SGCB: variants seen among roughly 807,000 people sequenced by gnomAD.
SGCB encodes beta-sarcoglycan.
SGCB carries 25 observed loss-of-function variants against 27.3 expected under a neutral mutation model. The ratio of observed to expected loss-of-function variants is 0.92; its 90% CI spans 0.67 to 1.28. The LOEUF (loss-of-function observed/expected upper bound fraction) is 1.28. Ranked by LOEUF, SGCB falls within the 50% of genes most tolerant of loss-of-function variation. The pLI is 0.00. For synonymous variants in SGCB, 147 were observed against 133.5 expected, an observed-to-expected ratio of 1.10 and a Z score of -0.70; for missense variants, 436 against 402.1, an observed-to-expected ratio of 1.08 and a Z score of -0.72.
rs1365060760 is a variant in SGCB at position 52,028,643 on chromosome 4, A to C, written c.621+87T>G. ...AGAGCGAAACTCCGTCTCAAAAAAA[A>C]AACAACAACAGTATAACTCTCTTCC... On this transcript the variant is annotated intron_variant, in intron 4 of 5. Transcript: ENST00000381431. The C allele has an allele frequency of 9.1e-6, 10 of 1,103,976 alleles. No homozygotes were observed. In the Middle Eastern group the frequency reaches 8.7e-4, roughly 96 times the overall value. 68.4% of individuals were successfully genotyped at this position (1,103,976 alleles called of 1,614,324 possible). A position where few individuals can be genotyped will look rare whatever the true frequency, so the allele number is the denominator to read the frequency against.
At chr4:52,033,686 T>C (rs1370878310) in intron 1 of SGCB, 46 bp from the exon 2 acceptor site, 4 of 1,448,054 alleles carry the variant, frequency 2.8e-6, no homozygotes, top group Middle Eastern at 1.7e-4. Context: ...CCCTCTCGTT[T>C]TGGTGCATTT....
At chr4:52,024,663 C>T (rs1292043362) in intron 5 of SGCB, among the ~76,000 whole-genome samples, 3 of 151,754 alleles carry the variant, frequency 2.0e-5, no homozygotes, top group Non-Finnish European at 4.4e-5. Context: ...CTCGTCTCTA[C>T]TAAAAATACA....
chr4:52,036,797 C>G (rs970029514), intron 1 of SGCB, among the ~76,000 whole-genome samples: 1 of 152,200 alleles, frequency 6.6e-6, no homozygotes, highest in African/African-American at 2.4e-5. Flanking sequence ...AAGCCCAGGA[C>G]AGCAGAACAT....
chr4:52,030,403 T>C (rs985657322), intron 2 of SGCB, among the ~76,000 whole-genome samples: 2 of 152,154 alleles, frequency 1.3e-5, no homozygotes, highest in Admixed American at 6.6e-5. Flanking sequence ...ATTTTCAGTA[T>C]TACAACCATA....
At chr4:52,029,985 A>G (rs1737208841) in intron 2 of SGCB, 122 bp from the exon 3 acceptor site, 1 of 727,988 alleles carries the variant, frequency 1.4e-6, no homozygotes, top group Admixed American at 2.3e-5. Flanking sequence ...CAGTGAGGTA[A>G]ATATATCAAT....
chr4:52,024,464 T>C (rs530372626), intron 5 of SGCB, among the ~76,000 whole-genome samples: 2 of 152,280 alleles, frequency 1.3e-5, no homozygotes, highest in Admixed American at 6.5e-5. Context: ...TTTCAGATCA[T>C]TTTCATTTGT....
intron 2 of SGCB, among the ~76,000 whole-genome samples, chr4:52,030,950 C>A (rs1737229709): frequency 6.6e-6 from 1 of 152,148 alleles, no homozygotes; most frequent in Non-Finnish European, 1.5e-5. Context: ...TATTTTCTTT[C>A]TGAATTTTGA....
At chr4:52,033,287 A>G in intron 2 of SGCB, 144 bp downstream of exon 2, 1 of 651,388 alleles carries the variant, frequency 1.5e-6, no homozygotes, top group African/African-American at 1.8e-5. Flanking sequence ...TTAGCACACT[A>G]GTTTTTTTAA....
At chr4:52,028,290 A>G (rs757740636) in intron 4 of SGCB, among the ~76,000 whole-genome samples, 191 bp from the exon 5 acceptor site, 3 of 152,252 alleles carry the variant, frequency 2.0e-5, no homozygotes, top group Non-Finnish European at 4.4e-5. Flanking sequence ...TTACAAATCT[A>G]GAATTAATCC....
rs1422138458 is a variant in SGCB at position 52,023,747 on chromosome 4, A to C, written c.*210T>G. On this transcript the variant is annotated 3_prime_UTR_variant, in exon 6 of 6. Coordinates refer to ENST00000381431, the MANE Select transcript of SGCB (RefSeq NM_000232.5). Reference sequence around the variant, plus strand: ...GCTTCTCATAATTATTTTAGAGAACAGTAAATATGAAGATTAGTATAAATT... The same window carrying C: ...GCTTCTCATAATTATTTTAGAGAACCGTAAATATGAAGATTAGTATAAATT... 3.8e-6 allele frequency: 2 copies of C among 523,560 alleles called. No homozygotes were observed. Among genetic ancestry groups the C allele is most frequent in the African/African-American group, 3.8e-5 (2 of 52,674 alleles). The allele number at this position is 523,560 out of a possible 1,614,324, so 32.4% of individuals were successfully genotyped here.
intron 1 of SGCB, among the ~76,000 whole-genome samples, chr4:52,037,514 A>G (rs1430029153): frequency 6.6e-6 from 1 of 152,248 alleles, no homozygotes; most frequent in African/African-American, 2.4e-5. Context: ...CTGTATTACA[A>G]TAAATCACCC....
At chr4:52,034,871 T>TA (rs2109377683) in intron 1 of SGCB, among the ~76,000 whole-genome samples, 1 of 152,340 alleles carries the variant, frequency 6.6e-6, no homozygotes, top group South Asian at 2.1e-4. Context: ...AAAGGCTACA[T>TA]GACCAATGTG....
chr4:52,024,206 TACAGA>T, intron 5 of SGCB, 46 bp from the exon 6 acceptor site: 3 of 1,469,000 alleles, frequency 2.0e-6, no homozygotes, highest in Non-Finnish European at 2.8e-6. Flanking sequence ...CATGAGGGGG[TACAGA>T]ACAAAGTCAG....
At chr4:52,035,366 T>C (rs1737359191) in intron 1 of SGCB, among the ~76,000 whole-genome samples, 1 of 152,170 alleles carries the variant, frequency 6.6e-6, no homozygotes, top group Admixed American at 6.5e-5. Flanking sequence ...CCAAAATCAA[T>C]AGTCTAGGCA....
chr4:52,032,092 G>C (rs1428496424), intron 2 of SGCB: 15 of 385,088 alleles, frequency 3.9e-5, no homozygotes, highest in Non-Finnish European at 7.6e-5. Context: ...CTCTGGTCCA[G>C]TGTGTCCAGA....
chr4:52,035,561 G>T (rs541142084), intron 1 of SGCB, among the ~76,000 whole-genome samples: 8 of 152,244 alleles, frequency 5.3e-5, no homozygotes, highest in African/African-American at 1.9e-4. Context: ...ATTTAATTGG[G>T]AGTCACTGGA....
rs747809412 is a variant in SGCB, at chr4:52,033,589, T to A, written c.85A>T (p.Arg29Ter). 7 of 1,613,878 alleles carry A rather than the reference T, an allele frequency of 4.3e-6. No individual in the cohort carries two copies. Among genetic ancestry groups the A allele is most frequent in the Non-Finnish European group, 5.9e-6 (7 of 1,179,896 alleles). ...KKSMREKAVERRSVNKEHNSN... is the reference protein window; with the variant it reads ...KKSMREKAVE ...TTGTGCTCTTTATTGACACTCCTTC[T>A]CTCAACAGCCTTCTCACGCATGGAC... Residue 29 changes from arginine to a stop codon, truncating the protein, a stop_gained, in exon 2 of 6, where the codon AGA becomes TGA. Coordinates refer to ENST00000381431, the MANE Select transcript of SGCB (RefSeq NM_000232.5). LOFTEE classifies it high-confidence loss of function.
At chr4:52,024,273 TAA>T in intron 5 of SGCB, 113 bp from the exon 6 acceptor site, 1 of 796,558 alleles carries the variant, frequency 1.3e-6, no homozygotes, top group Non-Finnish European at 2.1e-6. Context: ...TAAGAAAGAG[TAA>T]AGTCACAAAC....
Position 52,021,867 on chromosome 4 carries a change from T to C in SGCB, c.*2090A>G, listed in dbSNP as rs1736960081. 6.6e-6 allele frequency: 1 copy of C among 152,100 alleles called. No individual in the cohort carries two copies. The highest frequency in any genetic ancestry group is 1.5e-5 in the Non-Finnish European group (1 of 68,014). 9.4% of individuals were successfully genotyped at this position (152,100 alleles called of 1,614,324 possible). ...AGCCTCTCCTCTCAAAAGAACTTCA[T>C]GGAGATGTATCAAAAACACAAGTAT... On this transcript the variant is annotated 3_prime_UTR_variant, in exon 6 of 6. Coordinates refer to ENST00000381431, the MANE Select transcript of SGCB (RefSeq NM_000232.5).
Sources: allele counts gnomAD v4.1 joint callset (sites outside exome capture counted in the v4.1 genomes callset), GRCh38; gene constraint gnomAD v4.1.1; transcripts MANE v1.5; gene names NCBI Gene and HGNC (gene_info 2026-07-23, HGNC 2026-07-21).